CDC73: variants seen among roughly 807,000 people sequenced by gnomAD.
CDC73 encodes parafibromin.
A neutral mutation model predicts 83.7 loss-of-function variants in CDC73; 21 were observed. That is an observed-to-expected ratio of 0.25 (90% confidence interval 0.18 to 0.36). The LOEUF (loss-of-function observed/expected upper bound fraction) is 0.36, where lower values mean the gene tolerates loss of function less well. Ranked by LOEUF, CDC73 falls within the 10% of genes least tolerant of loss-of-function variation. The probability of loss-of-function intolerance (pLI) is 1.00; values close to 1 mark genes in which losing one functional copy is unlikely to be tolerated. For missense variants in CDC73, 342 were observed against 653.3 expected (o/e 0.52, Z 5.19); for synonymous variants, 224 against 212.9 (o/e 1.05, Z -0.45).
At chr1:193,168,959 C>G (rs745688889) in intron 10 of CDC73, among the ~76,000 whole-genome samples, 105 of 152,098 alleles carry the variant, frequency 6.9e-4, no homozygotes, top group Non-Finnish European at 1.3e-3. Flanking sequence ...TTTTGATTAT[C>G]TAGATTTTTT....
chr1:193,247,558 C>G (rs1188238049), intron 15 of CDC73, among the ~76,000 whole-genome samples: 1 of 152,022 alleles, frequency 6.6e-6, no homozygotes, highest in Non-Finnish European at 1.5e-5. Flanking sequence ...GAAGGCATGT[C>G]AAAAGCTGAG....
chr1:193,180,170 ACTT>A (rs1676687789), intron 10 of CDC73: 2 of 824,736 alleles, frequency 2.4e-6, no homozygotes, highest in Non-Finnish European at 3.5e-6. Flanking sequence ...TTAAAAAAAT[ACTT>A]CTTGAATTTC....
intron 14 of CDC73, among the ~76,000 whole-genome samples, chr1:193,235,704 T>C (rs1453172553): frequency 1.3e-5 from 2 of 152,176 alleles, no homozygotes; most frequent in African/African-American, 2.4e-5. Context: ...TGTAAAACAA[T>C]TGCAAAAATT....
At chr1:193,226,620 T>G (rs1677571646) in intron 13 of CDC73, among the ~76,000 whole-genome samples, 1 of 152,212 alleles carries the variant, frequency 6.6e-6, no homozygotes, top group Admixed American at 6.5e-5. Flanking sequence ...GTGTATCACA[T>G]TTATTGACTT....
chr1:193,197,607 T>C (rs535104301), intron 10 of CDC73, among the ~76,000 whole-genome samples: 1 of 152,266 alleles, frequency 6.6e-6, no homozygotes, highest in Admixed American at 6.5e-5. Context: ...TGTTTTCTTA[T>C]CTGGCACTTA....
chr1:193,212,357 T>C, intron 12 of CDC73, 33 bp from the exon 13 acceptor site: 1 of 1,246,718 alleles, frequency 8.0e-7, no homozygotes, highest in Non-Finnish European at 1.2e-6. Flanking sequence ...TTTCTAATAA[T>C]ATATTTTCTA....
chr1:193,215,523 A>T (rs1017190630), intron 13 of CDC73, among the ~76,000 whole-genome samples: 2 of 152,012 alleles, frequency 1.3e-5, no homozygotes, highest in Admixed American at 6.5e-5. Context: ...TTAAGTTTTT[A>T]TACAGTTACA....
chr1:193,229,392 G>A (rs989469656), intron 13 of CDC73, among the ~76,000 whole-genome samples: 1 of 152,250 alleles, frequency 6.6e-6, no homozygotes, highest in African/African-American at 2.4e-5. Context: ...TATTTGTGAA[G>A]TAATTAGGTC....
intron 2 of CDC73, among the ~76,000 whole-genome samples, chr1:193,129,957 T>C (rs1675665761): frequency 6.6e-6 from 1 of 152,232 alleles, no homozygotes; most frequent in Admixed American, 6.5e-5. Context: ...CATGTTAATA[T>C]CAAGTTGTAA....
intron 10 of CDC73, among the ~76,000 whole-genome samples, chr1:193,195,531 G>A (rs1168474270): frequency 6.6e-6 from 1 of 151,970 alleles, no homozygotes; most frequent in African/African-American, 2.4e-5. Flanking sequence ...CAGAATTGTT[G>A]GATCATATGT....
intron 7 of CDC73, among the ~76,000 whole-genome samples, chr1:193,144,792 T>C (rs969107404): frequency 5.3e-5 from 8 of 151,550 alleles, no homozygotes; most frequent in African/African-American, 1.7e-4. Flanking sequence ...GTAACTGTTA[T>C]TCAGACTTGG....
At position 193,234,267 on chromosome 1, in the gene CDC73, T is replaced by TTATAATATA. The variant is rs1553291198; in HGVS notation, c.1316+1123_1316+1131dup. Reference sequence around the variant, plus strand: ...ATATTTATTTATATATATAATTTAATTATAATATATATAATATACATATTA... The same window carrying TTATAATATA: ...ATATTTATTTATATATATAATTTAATTATAATATATATAATATATATAATATACATATTA... On this transcript the variant is annotated intron_variant, in intron 14 of 16. Coordinates refer to ENST00000367435, the MANE Select transcript of CDC73 (RefSeq NM_024529.5). Among the ~76,000 whole-genome samples the TTATAATATA allele has an allele frequency of 2.8e-5, 3 of 108,894 alleles. 1 individual carries two copies. Among genetic ancestry groups the TTATAATATA allele is most frequent in the Non-Finnish European group, 5.5e-5 (3 of 54,806 alleles). The allele number at this position is 108,894 out of a possible 152,430, so 71.4% of individuals were successfully genotyped here.
At chr1:193,187,207 T>C (rs929792753) in intron 10 of CDC73, among the ~76,000 whole-genome samples, 2 of 151,608 alleles carry the variant, frequency 1.3e-5, no homozygotes, top group Non-Finnish European at 2.9e-5. Context: ...ATGTGGTTTT[T>C]GGTGTTCTTG....
chr1:193,244,771 T>G (rs1677924886), intron 15 of CDC73, among the ~76,000 whole-genome samples: 1 of 152,170 alleles, frequency 6.6e-6, no homozygotes, highest in African/African-American at 2.4e-5. Context: ...CTCTAAATAC[T>G]ATTGACAAAA....
At position 193,250,752 on chromosome 1, in the gene CDC73, C is replaced by G. The variant is rs200166430; in HGVS notation, c.*40C>G. 1.4e-4 allele frequency: 221 copies of G among 1,537,414 alleles called. 2 individuals are homozygous for G. The East Asian group carries it at 4.9e-3, about 34-fold the overall frequency. On this transcript the variant is annotated 3_prime_UTR_variant, in exon 17 of 17. Transcript: ENST00000367435. The stretch of plus-strand genomic sequence containing the variant: ...CCATTTCTGGAAATTGAGACTCAAG[C>G]TTTATGAATTTATCAAGAACTTAAA...
In CDC73 at chr1:193,148,192, T is replaced by A. The variant is rs147800316; in HGVS notation, c.828+227T>A. 6.6e-3 allele frequency among the ~76,000 whole-genome samples: 1,004 copies of A among 152,360 alleles called. 6 individuals are homozygous for A. Among genetic ancestry groups the A allele is most frequent in the Non-Finnish European group, 0.011 (716 of 68,034 alleles). On this transcript the variant is annotated intron_variant, in intron 8 of 16. Transcript: ENST00000367435. The stretch of plus-strand genomic sequence containing the variant: ...TTCTTAATATACCTGGGTCAGAGTC[T>A]GAAAAAGGTTAATTAGGGAAAGCCC...
Position 193,209,944 on chromosome 1 carries a change from T to C in CDC73, c.1031-2121T>C, listed in dbSNP as rs559042337. Among the ~76,000 whole-genome samples, 14 of 152,284 alleles carry C rather than the reference T, an allele frequency of 9.2e-5. No individual in the cohort carries two copies. The East Asian group carries it at 9.6e-4, about 10-fold the overall frequency. On this transcript the variant is annotated intron_variant, in intron 11 of 16. Coordinates refer to ENST00000367435, the MANE Select transcript of CDC73 (RefSeq NM_024529.5). ...TCCCTTTAGTCATAATAGCAACTCC[T>C]GTTTCCTGTTTATCCATCCTGTTAC... is the stretch of plus-strand genomic sequence containing the variant.
At position 193,166,792 on chromosome 1, in the gene CDC73, T is replaced by C. The variant is rs879296749; in HGVS notation, c.972+14348T>C. Among the ~76,000 whole-genome samples the C allele has an allele frequency of 6.6e-5, 10 of 151,964 alleles. No individual in the cohort carries two copies. The East Asian group carries it at 1.9e-3, about 29-fold the overall frequency. On this transcript the variant is annotated intron_variant, in intron 10 of 16. Coordinates refer to ENST00000367435, the MANE Select transcript of CDC73 (RefSeq NM_024529.5). ...CTTCCCGAGTAGCTGGGATTACAGT[T>C]ATGCGCCACCACGCCCGGCTATTTT...
intron 6 of CDC73, among the ~76,000 whole-genome samples, chr1:193,140,235 A>G (rs1156909040): frequency 6.6e-6 from 1 of 152,112 alleles, no homozygotes; most frequent in East Asian, 1.9e-4. Flanking sequence ...CTTGATATCT[A>G]GCATCTAGTA....
Sources: allele counts gnomAD v4.1 joint callset (sites outside exome capture counted in the v4.1 genomes callset), GRCh38; gene constraint gnomAD v4.1.1; transcripts MANE v1.5; gene names NCBI Gene and HGNC (gene_info 2026-07-23, HGNC 2026-07-21).